The following GLT8D2 variants were observed in gnomAD, a reference collection of about 807,000 sequenced individuals.
The protein encoded by GLT8D2 is glycosyltransferase 8 domain-containing protein 2.
GLT8D2 carries 45 observed loss-of-function variants against 44.5 expected under a neutral mutation model. The ratio of observed to expected loss-of-function variants is 1.01; its 90% CI spans 0.80 to 1.30. The LOEUF is 1.30. GLT8D2 is among the 50% of genes most tolerant of loss of function. The pLI is 0.00. For missense variants in GLT8D2, 400 were observed against 430.4 expected (o/e 0.93, Z 0.62); for synonymous variants, 156 against 157.2 (o/e 0.99, Z 0.06).
At chr12:103,992,303 G>C (rs1320357216) in intron 10 of GLT8D2, among the ~76,000 whole-genome samples, 1 of 152,206 alleles carries the variant, frequency 6.6e-6, no homozygotes, top group Non-Finnish European at 1.5e-5. Context: ...AGAACTCACA[G>C]AGTACAGAGT....
intron 1 of GLT8D2, among the ~76,000 whole-genome samples, chr12:104,025,321 A>G (rs1046827402): frequency 6.6e-6 from 1 of 151,592 alleles, no homozygotes; most frequent in Non-Finnish European, 1.5e-5. Flanking sequence ...CGATTCTCCT[A>G]CCTCAGCCTC....
intron 1 of GLT8D2, among the ~76,000 whole-genome samples, chr12:104,043,257 C>T (rs568147464): frequency 3.9e-5 from 6 of 152,286 alleles, no homozygotes; most frequent in African/African-American, 1.4e-4. Context: ...AGACTTCATC[C>T]TGACTCATGG....
intron 1 of GLT8D2, among the ~76,000 whole-genome samples, chr12:104,056,163 C>A (rs1394054922): frequency 6.6e-6 from 1 of 152,142 alleles, no homozygotes; most frequent in African/African-American, 2.4e-5. Context: ...CAGCTGCCCT[C>A]TCTATGCTTT....
chr12:103,992,105 A>G (rs7137924), intron 10 of GLT8D2, among the ~76,000 whole-genome samples: 13,459 of 152,236 alleles, frequency 0.088, 1,255 homozygotes, highest in African/African-American at 0.23. Context: ...CTAAACTTCC[A>G]AACATGTCTG....
chr12:104,063,106 T>A (rs1272868932), intron 1 of GLT8D2, among the ~76,000 whole-genome samples: 1 of 151,804 alleles, frequency 6.6e-6, no homozygotes, highest in Non-Finnish European at 1.5e-5. Context: ...TACCACCCAC[T>A]CCCCTGCCAA....
intron 1 of GLT8D2, among the ~76,000 whole-genome samples, chr12:104,022,083 AG>A (rs1002337560): frequency 3.3e-5 from 5 of 150,452 alleles, no homozygotes; most frequent in African/African-American, 1.2e-4. Context: ...AGAAAAAAAA[AG>A]AAAGAAAGAA....
chr12:104,028,950 A>C (rs940337211), intron 1 of GLT8D2, among the ~76,000 whole-genome samples: 3 of 152,052 alleles, frequency 2.0e-5, no homozygotes, highest in South Asian at 2.1e-4. Context: ...AAAAAAAAAA[A>C]CCACGTTGGG....
chr12:104,015,187 AG>A, intron 3 of GLT8D2, 82 bp from the exon 4 acceptor site: 1 of 978,942 alleles, frequency 1.0e-6, no homozygotes, highest in South Asian at 1.4e-5. Context: ...TAGTGCGAGT[AG>A]GTGCCTTCCA....
At chr12:104,005,763 G>C (rs1209035001) in intron 4 of GLT8D2, among the ~76,000 whole-genome samples, 3 of 152,178 alleles carry the variant, frequency 2.0e-5, no homozygotes, top group Non-Finnish European at 4.4e-5. Flanking sequence ...GGAGAAATAG[G>C]AACACTTTTA....
In GLT8D2 at chr12:103,994,256, C is replaced by T. The variant is rs151164844; in HGVS notation, c.767+79G>A. ...GAGATGACTGTGAAATATTTCTAAC[C>T]CTTGAACTATGTGTGGAAAATTAAT... is the stretch of plus-strand genomic sequence containing the variant. On this transcript the variant is annotated intron_variant, in intron 9 of 10. Transcript: ENST00000360814. 1,704 of 1,381,002 alleles carry T rather than the reference C, an allele frequency of 1.2e-3. 58 individuals carry two copies. The East Asian group carries it at 0.038, about 31-fold the overall frequency. The allele number at this position is 1,381,002 out of a possible 1,614,324, so 85.5% of individuals were successfully genotyped here.
chr12:104,034,097 G>T (rs904662793), intron 1 of GLT8D2, among the ~76,000 whole-genome samples: 2 of 152,272 alleles, frequency 1.3e-5, no homozygotes, highest in South Asian at 4.1e-4. Flanking sequence ...ATAACTTTAT[G>T]TCATTTTAAT....
intron 3 of GLT8D2, among the ~76,000 whole-genome samples, chr12:104,016,802 G>A (rs1450276301): frequency 0.026 from 2,646 of 101,026 alleles, 41 homozygotes; most frequent in East Asian, 0.064. Flanking sequence ...AAGGAAGGAA[G>A]GAAGGAAAGA....
intron 1 of GLT8D2, among the ~76,000 whole-genome samples, chr12:104,061,214 C>A (rs1305186543): frequency 6.6e-6 from 1 of 152,182 alleles, no homozygotes; most frequent in Non-Finnish European, 1.5e-5. Context: ...TCCTCATCAC[C>A]CTGCAGCTCC....
At chr12:104,016,123 A>G (rs891113322) in intron 3 of GLT8D2, among the ~76,000 whole-genome samples, 1 of 152,198 alleles carries the variant, frequency 6.6e-6, no homozygotes, top group African/African-American at 2.4e-5. Flanking sequence ...TATGTTGAAT[A>G]ACAGTGGTGA....
intron 1 of GLT8D2, among the ~76,000 whole-genome samples, chr12:104,040,804 CTG>C (rs1487991083): frequency 2.0e-4 from 31 of 152,270 alleles, no homozygotes; most frequent in South Asian, 2.1e-4. Flanking sequence ...TTTTTAGATG[CTG>C]TGTTGTGACT....
intron 1 of GLT8D2, among the ~76,000 whole-genome samples, chr12:104,039,622 C>T (rs1404494666): frequency 5.9e-5 from 9 of 152,200 alleles, no homozygotes; most frequent in East Asian, 1.9e-4. Flanking sequence ...GTTAGAATGG[C>T]GATCATTAAA....
At chr12:104,038,516 G>A (rs1311803065) in intron 1 of GLT8D2, among the ~76,000 whole-genome samples, 1 of 152,018 alleles carries the variant, frequency 6.6e-6, no homozygotes, top group African/African-American at 2.4e-5. Flanking sequence ...CAAACAGAGA[G>A]CCAAATCATG....
At chr12:104,004,786 C>T (rs1372693822) in intron 4 of GLT8D2, among the ~76,000 whole-genome samples, 6 of 152,202 alleles carry the variant, frequency 3.9e-5, no homozygotes, top group Middle Eastern at 3.4e-3. Context: ...GAATCAATAT[C>T]GTGAAAATGG....
At position 103,993,521 on chromosome 12, in the gene GLT8D2, A is replaced by G. The variant is rs778088579; in HGVS notation, c.768-17T>C. 1.3e-6 allele frequency: 2 copies of G among 1,525,800 alleles called. No homozygotes were observed. The highest frequency in any genetic ancestry group is 2.5e-5 in the South Asian group (2 of 80,674). The allele number at this position is 1,525,800 out of a possible 1,614,324, so 94.5% of individuals were successfully genotyped here. A position where few individuals can be genotyped will look rare whatever the true frequency, so the allele number is the denominator to read the frequency against. On this transcript the variant is annotated splice_polypyrimidine_tract_variant and intron_variant, in intron 9 of 10. Coordinates refer to ENST00000360814, the MANE Select transcript of GLT8D2 (RefSeq NM_001384711.1). ...AGGTTTTCCCTAAGAAATGAAATAG[A>G]AAAACAACATTTGGCCTGGAGCCCC...
Sources: gnomAD v4.1 joint callset for allele counts (sites outside exome capture counted in the v4.1 genomes callset) on GRCh38, gnomAD v4.1.1 for gene constraint, MANE v1.5 for transcripts, NCBI Gene and HGNC (gene_info 2026-07-23, HGNC 2026-07-21) for gene names.